Variants in TFEC observed in about 807,000 individuals in gnomAD.
TFEC encodes the protein class E basic helix-loop-helix protein 34.
A neutral mutation model predicts 41.6 loss-of-function variants in TFEC; 31 were observed. The observed-to-expected ratio is 0.74, with a 90% confidence interval of 0.56 to 1.01. The LOEUF is 1.01. Ranked by LOEUF, TFEC falls within the 50% of genes least tolerant of loss-of-function variation. The pLI is 0.00. For missense variants in TFEC, 402 were observed against 404.1 expected (o/e 0.99, Z 0.04); for synonymous variants, 143 against 140.6 (o/e 1.02, Z -0.12).
At chr7:116,034,713 C>CACAG (rs1175960752), upstream of TFEC, among the ~76,000 whole-genome samples, 1 of 151,380 alleles carries the variant, frequency 6.6e-6, no homozygotes, top group African/African-American at 2.4e-5. Flanking sequence ...CACACACACA[C>CACAG]AGCAACCAGA....
At position 115,984,959 on chromosome 7, in the gene TFEC, A is replaced by G. The variant is rs574812403; in HGVS notation, c.-72-446T>C. Among the ~76,000 whole-genome samples, 227 of 152,268 alleles carry G rather than the reference A, an allele frequency of 1.5e-3. 1 individual carries two copies. The highest frequency in any genetic ancestry group is 5.4e-3 in the African/African-American group (223 of 41,580). On this transcript the variant is annotated intron_variant, in intron 1 of 7. Coordinates refer to ENST00000265440, the MANE Select transcript of TFEC (RefSeq NM_012252.4). The stretch of plus-strand genomic sequence containing the variant: ...TTTGTTCTTAAGAAAACTAAAAATT[A>G]TAAGAGAGCAGGAACTAGAAATATA...
chr7:116,043,894 G>A (rs1188190754), intron 3 of TFEC, among the ~76,000 whole-genome samples: 1 of 152,108 alleles, frequency 6.6e-6, no homozygotes, highest in African/African-American at 2.4e-5. Flanking sequence ...GATTGTGTAG[G>A]TGAGAATAGT....
chr7:115,946,938 T>C (rs909996294), intron 6 of TFEC, among the ~76,000 whole-genome samples: 5 of 151,446 alleles, frequency 3.3e-5, no homozygotes, highest in African/African-American at 9.7e-5. Flanking sequence ...ATTATTATTA[T>C]ACTTTAAGTT....
At chr7:116,017,184 C>T (rs1795223380) in intron 1 of TFEC, among the ~76,000 whole-genome samples, 1 of 152,110 alleles carries the variant, frequency 6.6e-6, no homozygotes, top group African/African-American at 2.4e-5. Context: ...AATGGATCAC[C>T]TGTTCTCCCA....
intron 3 of TFEC, among the ~76,000 whole-genome samples, chr7:116,106,515 T>C (rs1303470725): frequency 1.3e-5 from 2 of 152,202 alleles, no homozygotes; most frequent in East Asian, 3.8e-4. Flanking sequence ...CCTGAGTAGC[T>C]GGGACTACAG....
intron 3 of TFEC, among the ~76,000 whole-genome samples, chr7:116,067,184 T>C (rs1021118479): frequency 1.6e-4 from 25 of 152,102 alleles, no homozygotes; most frequent in Non-Finnish European, 3.1e-4. Context: ...CCATAGAACA[T>C]AGGGCCATAG....
At chr7:116,034,114 C>A (rs1310719133), upstream of TFEC, among the ~76,000 whole-genome samples, 1 of 152,120 alleles carries the variant, frequency 6.6e-6, no homozygotes, top group African/African-American at 2.4e-5. Context: ...CAGGACACTA[C>A]AGACTCAAAT....
chr7:116,155,268 C>A (rs946938363), intron 1 of TFEC, among the ~76,000 whole-genome samples: 1 of 152,082 alleles, frequency 6.6e-6, no homozygotes, highest in Non-Finnish European at 1.5e-5. Context: ...ATATTTAAAC[C>A]AAGAACTAGA....
At chr7:115,968,227 G>A (rs1792962683) in intron 3 of TFEC, 2 of 1,530,690 alleles carry the variant, frequency 1.3e-6, no homozygotes. Flanking sequence ...CAATAGCAAT[G>A]GTTTTCTCTT....
At chr7:116,033,548 A>G (rs1795837835), upstream of TFEC, among the ~76,000 whole-genome samples, 1 of 151,826 alleles carries the variant, frequency 6.6e-6, no homozygotes. Flanking sequence ...GCCATTCTCC[A>G]TCCTCCATGT....
At chr7:116,111,814 C>A (rs1797861536) in intron 2 of TFEC, among the ~76,000 whole-genome samples, 1 of 151,946 alleles carries the variant, frequency 6.6e-6, no homozygotes, top group South Asian at 2.1e-4. Flanking sequence ...ACCCAACCCC[C>A]AAGGAATTTA....
In TFEC at chr7:115,987,515, G is replaced by T. The variant is rs564176066; in HGVS notation, c.-72-3002C>A. On this transcript the variant is annotated intron_variant, in intron 1 of 7. Coordinates refer to ENST00000265440, the MANE Select transcript of TFEC (RefSeq NM_012252.4). ...CATTTGTTCACTTATTCAAGACACAGTGTTTGAGTATCAAGCATGTGTGGG... is the reference window on the plus strand; with the variant it reads ...CATTTGTTCACTTATTCAAGACACATTGTTTGAGTATCAAGCATGTGTGGG... Among the ~76,000 whole-genome samples, 9 of 152,312 alleles carry T rather than the reference G, an allele frequency of 5.9e-5. No homozygotes were observed. The South Asian group carries it at 1.7e-3, about 28-fold the overall frequency.
rs1174553777 is a variant in TFEC, at chr7:116,069,721, C to G, written c.198+40987G>C. Among the ~76,000 whole-genome samples, 4 of 151,746 alleles carry G rather than the reference C, an allele frequency of 2.6e-5. No individual in the cohort carries two copies. In the South Asian group the frequency reaches 6.2e-4, roughly 24 times the overall value. ...CCCACTTTTCTCCTTCCCACTGTCC[C>G]TGCTTTAGTTGATGGGGTTCATGGT... On this transcript the variant is annotated intron_variant, in intron 3 of 8. Coordinates refer to the TFEC transcript ENST00000484212.
At chr7:116,125,531 G>A (rs886771827) in intron 1 of TFEC, among the ~76,000 whole-genome samples, 1 of 152,192 alleles carries the variant, frequency 6.6e-6, no homozygotes, top group Non-Finnish European at 1.5e-5. Context: ...AGCAATGCAT[G>A]AATTGGTCTT....
chr7:116,079,819 A>G (rs554991669), intron 3 of TFEC, among the ~76,000 whole-genome samples: 1 of 152,230 alleles, frequency 6.6e-6, no homozygotes, highest in African/African-American at 2.4e-5. Context: ...TCACAGAACT[A>G]GAAAAAGGAA....
At chr7:115,991,917 C>A (rs996690058) in intron 1 of TFEC, among the ~76,000 whole-genome samples, 2 of 152,180 alleles carry the variant, frequency 1.3e-5, no homozygotes, top group African/African-American at 4.8e-5. Flanking sequence ...CTTCTCAGCA[C>A]CACATTGCCC....
At chr7:116,133,104 T>G (rs1457581904) in intron 1 of TFEC, among the ~76,000 whole-genome samples, 1 of 152,236 alleles carries the variant, frequency 6.6e-6, no homozygotes, top group Non-Finnish European at 1.5e-5. Flanking sequence ...TTAAGTTGCT[T>G]ATAATCTTTT....
At chr7:116,026,566 C>T (rs539288900) in intron 1 of TFEC, among the ~76,000 whole-genome samples, 1 of 152,268 alleles carries the variant, frequency 6.6e-6, no homozygotes, top group South Asian at 2.1e-4. Context: ...GAGGTAAAAT[C>T]ACATATTCTC....
chr7:115,973,166 G>A (rs996425941), intron 3 of TFEC, among the ~76,000 whole-genome samples: 2 of 151,882 alleles, frequency 1.3e-5, no homozygotes, highest in African/African-American at 4.8e-5. Flanking sequence ...AGTTAGTACT[G>A]GTGACTTGAC....
Sources: allele counts gnomAD v4.1 joint callset (sites outside exome capture counted in the v4.1 genomes callset), GRCh38; gene constraint gnomAD v4.1.1; transcripts MANE v1.5; gene names NCBI Gene and HGNC (gene_info 2026-07-23, HGNC 2026-07-21).